Variants in TENT2 observed in about 807,000 individuals in gnomAD.
TENT2 encodes the protein terminal nucleotidyltransferase 2.
In TENT2, 44 loss-of-function variants were observed where a neutral mutation model predicts 72.2. That is an observed-to-expected ratio of 0.61 (90% CI 0.48 to 0.78). The LOEUF (loss-of-function observed/expected upper bound fraction) is 0.78. Among genes scored for constraint, TENT2 ranks in the 30% least tolerant of loss-of-function variants. The pLI is 0.00. For missense variants in TENT2, 541 were observed against 569.6 expected (o/e 0.95, Z 0.51); for synonymous variants, 212 against 192.5 (o/e 1.10, Z -0.84).
At chr5:79,641,248 G>T in intron 6 of TENT2, 52 bp downstream of exon 6, 1 of 1,428,440 alleles carries the variant, frequency 7.0e-7, no homozygotes, top group South Asian at 1.4e-5. Context: ...AATGAGTTAA[G>T]AAATTTTACA....
chr5:79,663,922 C>T (rs1336162948), intron 11 of TENT2, among the ~76,000 whole-genome samples: 3 of 151,976 alleles, frequency 2.0e-5, no homozygotes, highest in Admixed American at 6.6e-5. Flanking sequence ...ATACAGTGGG[C>T]GCTCTGTATG....
chr5:79,678,356 GGTAA>G (rs1818934911), intron 12 of TENT2, among the ~76,000 whole-genome samples: 2 of 151,942 alleles, frequency 1.3e-5, no homozygotes, highest in African/African-American at 4.8e-5. Flanking sequence ...AGAAGTGTAG[GGTAA>G]GTGTTGGAAG....
In TENT2 at chr5:79,673,752, T is replaced by A. The variant is rs557916037; in HGVS notation, c.1208+4724T>A. On this transcript the variant is annotated intron_variant, in intron 12 of 14. Transcript: ENST00000453514. ...TAACTTCAAGATATTCAAGTGGAGA[T>A]ACTGAGTAGACAGTTGGATATATAA... Among the ~76,000 whole-genome samples, 4 of 152,282 alleles carry A rather than the reference T, an allele frequency of 2.6e-5. No homozygotes were observed. In the South Asian group the frequency reaches 8.3e-4, roughly 32 times the overall value.
rs932725218 is a variant in TENT2, at chr5:79,640,965, C to T, written c.580C>T (p.Gln194Ter). ...GAGAGAAATTCAGCTGTTATTTCCA[C>T]GTATGTTTCCCTATTTTGCATGTCC... ...LQREIQLLFPQSRLFLVGSSL... is the reference protein window; with the variant it reads ...LQREIQLLFP Residue 194 changes from glutamine (Q) to a stop codon, truncating the protein, a stop_gained and splice_region_variant, in exon 5 of 15, where the codon CAA becomes TAA. Transcript: ENST00000453514. LOFTEE classifies it high-confidence loss of function. 3.1e-6 allele frequency: 5 copies of T among 1,594,724 alleles called. No individual in the cohort carries two copies. Among genetic ancestry groups the T allele is most frequent in the Admixed American group, 1.8e-5 (1 of 56,042 alleles).
chr5:79,653,142 G>A (rs550074019), intron 10 of TENT2, among the ~76,000 whole-genome samples: 5 of 152,156 alleles, frequency 3.3e-5, no homozygotes, highest in Admixed American at 1.3e-4. Context: ...TTAGAAAAAT[G>A]TACGTAAATC....
intron 11 of TENT2, 94 bp from the exon 12 acceptor site, chr5:79,668,798 C>A (rs1384529655): frequency 1.4e-6 from 2 of 1,401,754 alleles, no homozygotes; most frequent in African/African-American, 2.9e-5. Flanking sequence ...TTTCTTCTCT[C>A]TTTTTCAAAG....
At chr5:79,626,305 A>T (rs1232322775) in intron 4 of TENT2, among the ~76,000 whole-genome samples, 1 of 145,904 alleles carries the variant, frequency 6.9e-6, no homozygotes, top group Non-Finnish European at 1.5e-5. Context: ...ATGCCCAGCT[A>T]ATTTTTTTTT....
chr5:79,633,715 T>A (rs1001652058), intron 4 of TENT2, among the ~76,000 whole-genome samples: 1 of 140,306 alleles, frequency 7.1e-6, no homozygotes, highest in African/African-American at 2.9e-5. Flanking sequence ...TGTGCCAGGC[T>A]AAAAAGTTTT....
At chr5:79,645,235 ATT>A in intron 8 of TENT2, 43 bp downstream of exon 8, 1 of 1,402,050 alleles carries the variant, frequency 7.1e-7, no homozygotes, top group Non-Finnish European at 1.0e-6. Context: ...CCTTTAGATC[ATT>A]TTTAGATACT....
chr5:79,668,648 C>T (rs1420730608), intron 11 of TENT2: 1 of 379,858 alleles, frequency 2.6e-6, no homozygotes, highest in African/African-American at 2.0e-5. Context: ...AAATAGCGAT[C>T]TGTTTGGTTA....
chr5:79,664,300 C>CT (rs1805472927), intron 11 of TENT2, among the ~76,000 whole-genome samples: 1 of 152,036 alleles, frequency 6.6e-6, no homozygotes, highest in African/African-American at 2.4e-5. Context: ...TAAATGAATA[C>CT]TTTTGAAAAG....
At chr5:79,636,436 T>C (rs2150316891) in intron 4 of TENT2, among the ~76,000 whole-genome samples, 1 of 152,336 alleles carries the variant, frequency 6.6e-6, no homozygotes, top group South Asian at 2.1e-4. Flanking sequence ...ATCTTTTTTG[T>C]TTATCCTTCT....
At chr5:79,665,935 C>T (rs2150549666) in intron 11 of TENT2, among the ~76,000 whole-genome samples, 1 of 151,176 alleles carries the variant, frequency 6.6e-6, no homozygotes, top group East Asian at 1.9e-4. Context: ...TTCTTAAATA[C>T]ATAACTAAAG....
intron 13 of TENT2, among the ~76,000 whole-genome samples, chr5:79,681,388 G>C (rs1443579243): frequency 6.6e-6 from 1 of 151,694 alleles, no homozygotes; most frequent in Non-Finnish European, 1.5e-5. Flanking sequence ...TCGATCTCTT[G>C]ACCTTGTGAT....
chr5:79,649,673 T>G (rs748947074), intron 10 of TENT2, among the ~76,000 whole-genome samples: 2 of 152,160 alleles, frequency 1.3e-5, no homozygotes, highest in African/African-American at 2.4e-5. Flanking sequence ...TAATTTTGTC[T>G]GGTTAGTCAT....
intron 13 of TENT2, among the ~76,000 whole-genome samples, chr5:79,681,396 G>A (rs2150959055): frequency 6.6e-6 from 1 of 151,838 alleles, no homozygotes; most frequent in African/African-American, 2.4e-5. Context: ...TTGACCTTGT[G>A]ATCCACCCAC....
chr5:79,636,858 G>A (rs1298581648), intron 4 of TENT2, among the ~76,000 whole-genome samples: 1 of 152,066 alleles, frequency 6.6e-6, no homozygotes, highest in Non-Finnish European at 1.5e-5. Flanking sequence ...CTATTGTGAA[G>A]TTCTTAAAAA....
At chr5:79,641,023 T>A in intron 5 of TENT2, 58 bp downstream of exon 5, 1 of 1,475,954 alleles carries the variant, frequency 6.8e-7, no homozygotes, top group Non-Finnish European at 9.2e-7. Flanking sequence ...TTAAATTTTA[T>A]CTTTTTTTTT....
At chr5:79,673,841 T>C (rs1245212433) in intron 12 of TENT2, among the ~76,000 whole-genome samples, 3 of 152,054 alleles carry the variant, frequency 2.0e-5, no homozygotes, top group African/African-American at 4.8e-5. Flanking sequence ...GTAGATGGTA[T>C]TTAACGCTAT....
Sources: allele counts gnomAD v4.1 joint callset (sites outside exome capture counted in the v4.1 genomes callset), GRCh38; gene constraint gnomAD v4.1.1; transcripts MANE v1.5; gene names NCBI Gene and HGNC (gene_info 2026-07-23, HGNC 2026-07-21).